The following RBFOX1 variants were observed in gnomAD, a reference collection of about 807,000 sequenced individuals.
RBFOX1 encodes the protein RNA binding protein fox-1 homolog 1.
RBFOX1 carries 8 observed loss-of-function variants against 57.7 expected under a neutral mutation model. The observed-to-expected ratio is 0.14, with a 90% confidence interval of 0.08 to 0.25. The LOEUF is 0.25. RBFOX1 is among the 10% of genes least tolerant of loss of function. The pLI, the probability that RBFOX1 is intolerant of heterozygous loss-of-function variation, is 1.00. For missense variants in RBFOX1, 611 were observed against 548.5 expected (o/e 1.11, Z -1.14); for synonymous variants, 326 against 222.4 (o/e 1.47, Z -4.15).
intron 3 of RBFOX1, among the ~76,000 whole-genome samples, chr16:5,780,558 T>C (rs1054141187): frequency 6.6e-6 from 1 of 152,056 alleles, no homozygotes; most frequent in African/African-American, 2.4e-5. Context: ...AATCAATTCC[T>C]CCAAATGAAA....
intron 1 of RBFOX1, among the ~76,000 whole-genome samples, chr16:5,389,513 C>G (rs2066346313): frequency 6.6e-6 from 1 of 152,092 alleles, no homozygotes; most frequent in Non-Finnish European, 1.5e-5. Flanking sequence ...GAGGCAAAGT[C>G]ACTCCAGCTG....
At chr16:6,270,802 G>A (rs148776011) in intron 1 of RBFOX1, among the ~76,000 whole-genome samples, 40 of 152,212 alleles carry the variant, frequency 2.6e-4, no homozygotes, top group African/African-American at 9.2e-4. Flanking sequence ...GATATCCTGG[G>A]CCATAAAACA....
intron 4 of RBFOX1, among the ~76,000 whole-genome samples, chr16:7,456,857 T>C (rs908945767): frequency 6.6e-6 from 1 of 152,006 alleles, no homozygotes; most frequent in African/African-American, 2.4e-5. Context: ...GGAAAGGGCA[T>C]ATTTTGGGTA....
intron 1 of RBFOX1, among the ~76,000 whole-genome samples, chr16:6,173,200 A>G (rs1424129489): frequency 6.6e-6 from 1 of 152,130 alleles, no homozygotes; most frequent in Non-Finnish European, 1.5e-5. Context: ...CCAGGATTAC[A>G]GCGGCGTGGA....
At chr16:5,251,319 A>G (rs9673625) in intron 1 of RBFOX1, among the ~76,000 whole-genome samples, 1 of 152,268 alleles carries the variant, frequency 6.6e-6, no homozygotes. Context: ...TAGAGCTGCC[A>G]TGAGGGTTCA....
intron 4 of RBFOX1, among the ~76,000 whole-genome samples, chr16:7,094,744 C>CTGTGTGTGTGTGTGTGTGTGTGTGTGTG (rs370249382): frequency 1.4e-5 from 2 of 139,352 alleles, no homozygotes; most frequent in African/African-American, 2.6e-5. Context: ...GACTGTACAG[C>CTGTGTGTGTGTGTGTGTGTGTGTGTGTG]TGTGTGTGTG....
intron 1 of RBFOX1, among the ~76,000 whole-genome samples, chr16:6,024,305 C>T (rs549156785): frequency 5.3e-5 from 8 of 152,048 alleles, no homozygotes; most frequent in African/African-American, 9.6e-5. Context: ...TGGGGGAAGC[C>T]GCGTCATAAG....
At chr16:6,017,886 A>T (rs776613570), upstream of RBFOX1, among the ~76,000 whole-genome samples, 1 of 152,172 alleles carries the variant, frequency 6.6e-6, no homozygotes, top group Non-Finnish European at 1.5e-5. Context: ...TTCTTATAAG[A>T]GGATCCATGG....
intron 4 of RBFOX1, among the ~76,000 whole-genome samples, chr16:5,895,398 T>C (rs1038571001): frequency 2.0e-5 from 3 of 152,212 alleles, no homozygotes; most frequent in Non-Finnish European, 2.9e-5. Flanking sequence ...AAGTAGGAGC[T>C]GGATCTTAGT....
chr16:6,249,505 C>G (rs1021953934), intron 1 of RBFOX1, among the ~76,000 whole-genome samples: 6 of 152,080 alleles, frequency 3.9e-5, no homozygotes, highest in Non-Finnish European at 8.8e-5. Context: ...GCTTGGGCGA[C>G]AGAGGGAGAC....
intron 3 of RBFOX1, among the ~76,000 whole-genome samples, chr16:7,018,001 A>G (rs2094001083): frequency 6.6e-6 from 1 of 152,014 alleles, no homozygotes; most frequent in Non-Finnish European, 1.5e-5. Flanking sequence ...AGGGAATGGA[A>G]TTTTACAAAA....
At chr16:7,696,122 A>C (rs1017661141) in intron 14 of RBFOX1, among the ~76,000 whole-genome samples, 10 of 152,162 alleles carry the variant, frequency 6.6e-5, no homozygotes, top group African/African-American at 2.4e-4. Flanking sequence ...TGGAATAGGC[A>C]TTTTTCATTA....
At chr16:6,511,172 C>T (rs1018202979) in intron 2 of RBFOX1, among the ~76,000 whole-genome samples, 3 of 152,098 alleles carry the variant, frequency 2.0e-5, no homozygotes, top group Non-Finnish European at 4.4e-5. Flanking sequence ...GGAAAAGCCT[C>T]TGGAAAATCC....
intron 2 of RBFOX1, among the ~76,000 whole-genome samples, chr16:6,626,906 C>G (rs2098316236): frequency 1.3e-5 from 2 of 152,236 alleles, no homozygotes; most frequent in South Asian, 2.1e-4. Flanking sequence ...ATTGGAAGGA[C>G]CTTATACACA....
At chr16:7,353,273 C>T (rs1035636459) in intron 4 of RBFOX1, among the ~76,000 whole-genome samples, 1 of 152,054 alleles carries the variant, frequency 6.6e-6, no homozygotes, top group Non-Finnish European at 1.5e-5. Flanking sequence ...GCATTGATGA[C>T]CCTAGCTAGA....
Position 6,012,090 on chromosome 16 carries a change from T to C in RBFOX1, c.351+144755T>C, listed in dbSNP as rs866427145. ...GAAATTTCTCGTGGATTCTGTCATTTAATTCTCCCGACAATGCTGGTTGAG... is the reference window on the plus strand; with the variant it reads ...GAAATTTCTCGTGGATTCTGTCATTCAATTCTCCCGACAATGCTGGTTGAG... On this transcript the variant is annotated intron_variant, in intron 4 of 19. Coordinates refer to the RBFOX1 transcript ENST00000641259. 3.9e-5 allele frequency among the ~76,000 whole-genome samples: 6 copies of C among 152,350 alleles called. No homozygotes were observed. The South Asian group carries it at 1.2e-3, about 32-fold the overall frequency.
intron 3 of RBFOX1, among the ~76,000 whole-genome samples, chr16:6,718,851 CT>C (rs544112231): frequency 1.8e-4 from 27 of 151,296 alleles, no homozygotes; most frequent in Admixed American, 9.2e-4. Flanking sequence ...TTTTTCTTAT[CT>C]TTTTTTTTGT....
At chr16:5,735,330 C>T (rs895168912) in intron 3 of RBFOX1, among the ~76,000 whole-genome samples, 1 of 152,350 alleles carries the variant, frequency 6.6e-6, no homozygotes, top group South Asian at 2.1e-4. Flanking sequence ...AATGACAGAA[C>T]AAAGCAGACT....
chr16:6,230,411 G>A (rs940498335), intron 1 of RBFOX1, among the ~76,000 whole-genome samples: 4 of 152,214 alleles, frequency 2.6e-5, no homozygotes, highest in South Asian at 2.1e-4. Flanking sequence ...CTCTGATCAC[G>A]CTATTATTCT....
Sources: allele counts gnomAD v4.1 joint callset (sites outside exome capture counted in the v4.1 genomes callset), GRCh38; gene constraint gnomAD v4.1.1; transcripts MANE v1.5; gene names NCBI Gene and HGNC (gene_info 2026-07-23, HGNC 2026-07-21).